PCSK5: variants seen among roughly 807,000 people sequenced by gnomAD.
PCSK5 encodes the protein prohormone convertase 5.
PCSK5 carries 129 observed loss-of-function variants against 233.2 expected under a neutral mutation model. The ratio of observed to expected loss-of-function variants is 0.55; its 90% CI spans 0.48 to 0.64. The LOEUF (loss-of-function observed/expected upper bound fraction) is 0.64. Among genes scored for constraint, PCSK5 ranks in the 30% least tolerant of loss-of-function variants. PCSK5 has a pLI of 0.00. For missense variants in PCSK5, 2,076 were observed against 2,430.1 expected, an observed-to-expected ratio of 0.85 and a Z score of 3.06; for synonymous variants, 825 against 879.2, an observed-to-expected ratio of 0.94 and a Z score of 1.09.
intron 7 of PCSK5, among the ~76,000 whole-genome samples, chr9:76,079,698 G>C (rs867415806): frequency 6.6e-6 from 1 of 152,112 alleles, no homozygotes; most frequent in South Asian, 2.1e-4. Flanking sequence ...TTCCAGTACT[G>C]TGTTGAATAG....
intron 10 of PCSK5, among the ~76,000 whole-genome samples, chr9:76,138,204 C>T (rs921678202): frequency 1.3e-5 from 2 of 152,062 alleles, no homozygotes; most frequent in African/African-American, 4.8e-5. Flanking sequence ...AACTTACATA[C>T]AGAAACAGAA....
At chr9:76,132,196 A>G (rs1430817253) in intron 9 of PCSK5, among the ~76,000 whole-genome samples, 1 of 152,052 alleles carries the variant, frequency 6.6e-6, no homozygotes, top group African/African-American at 2.4e-5. Context: ...CTACTGAATG[A>G]TCATGTGAAT....
In PCSK5 at chr9:75,932,387, C is replaced by T. The variant is rs764444998; in HGVS notation, c.201C>T (p.Ala67=). The part of the protein sequence containing the change: ...YGFINIGQIG[A]LKDYYHFYHS... The stretch of plus-strand genomic sequence containing the variant: ...CCACCCTTCCTTTGCAGATAGGGGC[C>T]CTGAAGGACTACTACCACTTCTACC... Residue 67 remains alanine, a synonymous_variant, in exon 2 of 38, where the codon GCC becomes GCT. Transcript: ENST00000674117. The T allele has an allele frequency of 2.2e-5, 36 of 1,600,502 alleles. No individual in the cohort carries two copies. Among genetic ancestry groups the T allele is most frequent in the Non-Finnish European group, 3.0e-5 (35 of 1,168,448 alleles).
In PCSK5 at chr9:76,092,529, C is replaced by A. The variant is rs150935004; in HGVS notation, c.895-3361C>A. On this transcript the variant is annotated intron_variant, in intron 7 of 37. Transcript: ENST00000674117. ...CCTCTCACCCCAGCCTCCCCAGAAG[C>A]CAGGAATATAGGCACATGCCACCAT... Among the ~76,000 whole-genome samples, 20 of 152,258 alleles carry A rather than the reference C, an allele frequency of 1.3e-4. No individual in the cohort carries two copies. In the East Asian group the frequency reaches 3.3e-3, roughly 25 times the overall value.
At chr9:75,981,030 A>G (rs979299734) in intron 2 of PCSK5, among the ~76,000 whole-genome samples, 2 of 152,218 alleles carry the variant, frequency 1.3e-5, no homozygotes, top group Non-Finnish European at 2.9e-5. Context: ...GGTCGAAGCT[A>G]GTTAGTTCAA....
intron 35 of PCSK5, among the ~76,000 whole-genome samples, chr9:76,350,324 G>GT (rs35785663): frequency 0.26 from 39,843 of 151,982 alleles, 5,385 homozygotes; most frequent in Middle Eastern, 0.41. Flanking sequence ...TCAAAGAAAT[G>GT]TATCACCATC....
chr9:76,279,488 A>C (rs967979481), intron 24 of PCSK5, among the ~76,000 whole-genome samples: 8 of 151,970 alleles, frequency 5.3e-5, no homozygotes, highest in African/African-American at 1.9e-4. Flanking sequence ...GAATCGCCAC[A>C]CTGACTTCCA....
intron 1 of PCSK5, among the ~76,000 whole-genome samples, chr9:75,908,953 A>G (rs775079348): frequency 3.5e-4 from 35 of 99,872 alleles, no homozygotes; most frequent in Middle Eastern, 5.4e-3. Context: ...CTATCTATCT[A>G]TCTATCTATC....
At chr9:76,102,386 A>G (rs1831800067) in intron 8 of PCSK5, among the ~76,000 whole-genome samples, 1 of 152,160 alleles carries the variant, frequency 6.6e-6, no homozygotes, top group South Asian at 2.1e-4. Flanking sequence ...ATACTGTCTC[A>G]TTCATTGCAA....
intron 5 of PCSK5, among the ~76,000 whole-genome samples, chr9:76,040,377 C>CTCTCTCTCTCTG (rs1829058505): frequency 3.3e-5 from 2 of 59,848 alleles, no homozygotes; most frequent in Admixed American, 2.0e-4. Context: ...CTCTCTCTCT[C>CTCTCTCTCTCTG]TCTCTCTGTC....
At chr9:76,066,282 T>C (rs1272652745) in intron 5 of PCSK5, among the ~76,000 whole-genome samples, 1 of 152,196 alleles carries the variant, frequency 6.6e-6, no homozygotes, top group Admixed American at 6.5e-5. Context: ...CATCTTTTCA[T>C]TTGTTTGTGT....
intron 3 of PCSK5, among the ~76,000 whole-genome samples, chr9:76,006,258 C>T (rs12006499): frequency 0.019 from 2,895 of 152,042 alleles, 34 homozygotes; most frequent in African/African-American, 0.038. Context: ...GATTTTTAAG[C>T]TCATTTACAT....
Position 76,189,228 on chromosome 9 carries a change from G to A in PCSK5, c.2510+5G>A, listed in dbSNP as rs749933884. ...TGGATACAAATCCTGCAAAAAGTAA[G>A]TGGATCTGCCCCCTGGGCCCTAGCA... is the stretch of plus-strand genomic sequence containing the variant. On this transcript the variant is annotated splice_donor_5th_base_variant and intron_variant, in intron 19 of 37. Transcript: ENST00000674117. The A allele has an allele frequency of 6.2e-7, 1 of 1,612,132 alleles. No individual in the cohort carries two copies. Among genetic ancestry groups the A allele is most frequent in the South Asian group, 1.1e-5 (1 of 90,940 alleles).
chr9:75,893,257 C>A (rs1478687265), intron 1 of PCSK5, among the ~76,000 whole-genome samples: 2 of 152,148 alleles, frequency 1.3e-5, no homozygotes, highest in Non-Finnish European at 2.9e-5. Flanking sequence ...AATATTACCT[C>A]ACACACAGGA....
rs541949504 is a variant in PCSK5 at position 76,247,335 on chromosome 9, G to C, written c.3142+6651G>C. Among the ~76,000 whole-genome samples, 37 of 152,292 alleles carry C rather than the reference G, an allele frequency of 2.4e-4. 1 individual carries two copies. The highest frequency in any genetic ancestry group is 2.4e-3 in the Admixed American group (37 of 15,300). ...TAGAGTGAAATAGAGTGGAAACAGA[G>C]CTCCCATATAAAGGGAGGGGACCCA... On this transcript the variant is annotated intron_variant, in intron 24 of 37. Transcript: ENST00000674117.
intron 5 of PCSK5, among the ~76,000 whole-genome samples, chr9:76,051,665 C>G (rs944287765): frequency 3.9e-5 from 6 of 152,022 alleles, no homozygotes; most frequent in African/African-American, 9.7e-5. Context: ...TTTTGATCCT[C>G]CAGATTCACA....
chr9:76,156,591 T>C (rs1822596381), intron 10 of PCSK5, among the ~76,000 whole-genome samples: 1 of 152,226 alleles, frequency 6.6e-6, no homozygotes, highest in Non-Finnish European at 1.5e-5. Context: ...AAAGCAGTGA[T>C]GTCATCACTT....
chr9:76,335,646 T>C (rs1587346738), intron 34 of PCSK5, among the ~76,000 whole-genome samples: 1 of 152,346 alleles, frequency 6.6e-6, no homozygotes, highest in Non-Finnish European at 1.5e-5. Flanking sequence ...CTCTTCATTG[T>C]CTCTTTTAGC....
intron 22 of PCSK5, among the ~76,000 whole-genome samples, chr9:76,238,027 A>G (rs750956435): frequency 6.6e-6 from 1 of 152,104 alleles, no homozygotes. Context: ...AGATCACATG[A>G]CGAATGAACC....
Sources: gnomAD v4.1 joint callset for allele counts (sites outside exome capture counted in the v4.1 genomes callset) on GRCh38, gnomAD v4.1.1 for gene constraint, MANE v1.5 for transcripts, NCBI Gene and HGNC (gene_info 2026-07-23, HGNC 2026-07-21) for gene names.